The following SPOCD1 variants were observed in gnomAD, a reference collection of about 807,000 sequenced individuals.
SPOCD1 encodes SPOC domain-containing protein 1.
In SPOCD1, 64 loss-of-function variants were observed where a neutral mutation model predicts 92.2. The ratio of observed to expected loss-of-function variants is 0.69; its 90% CI spans 0.57 to 0.86. The LOEUF (loss-of-function observed/expected upper bound fraction) is 0.86. Among genes scored for constraint, SPOCD1 ranks in the 40% least tolerant of loss-of-function variants. The pLI is 0.00. For missense variants in SPOCD1, 1,360 were observed against 1,543.1 expected (o/e 0.88, Z 1.99); for synonymous variants, 578 against 619.3 (o/e 0.93, Z 0.99).
intron 2 of SPOCD1, 146 bp downstream of exon 2, chr1:31,813,805 C>A: frequency 1.5e-6 from 1 of 662,904 alleles, no homozygotes; most frequent in South Asian, 4.7e-5. Context: ...GTTTGTGGGC[C>A]TCATTTTACC....
At position 31,793,259 on chromosome 1, in the gene SPOCD1, G is replaced by A. The variant is rs1647738361; in HGVS notation, c.2685+19C>T. 1 of 1,578,420 alleles carries A rather than the reference G, an allele frequency of 6.3e-7. No homozygotes were observed. Among genetic ancestry groups the A allele is most frequent in the Non-Finnish European group, 8.6e-7 (1 of 1,162,006 alleles). ...TGGTCAGTGTGTAAGGGAATCCCTG[G>A]CGAGGAGGGCAGGTGCACCTGGACA... On this transcript the variant is annotated intron_variant, in intron 13 of 15. Transcript: ENST00000360482.
In SPOCD1 at chr1:31,815,238, G is replaced by A. The variant is rs1649487236; in HGVS notation, c.96C>T (p.Ala32=). ...NCELLQNMEG[A]SSMPGLSPDG... The stretch of plus-strand genomic sequence containing the variant: ...CTGGTGACAGGCCTGGCATGGAGCT[G>A]GCTCCTTCCATGTTCTGTAAAAGCT... The change falls in exon 2 of 16, where the codon GCC becomes GCT. Residue 32 remains alanine, a synonymous_variant. Transcript: ENST00000360482. 1.2e-6 allele frequency: 2 copies of A among 1,606,110 alleles called. No homozygotes were observed. Among genetic ancestry groups the A allele is most frequent in the Non-Finnish European group, 1.7e-6 (2 of 1,173,960 alleles).
Position 31,790,591 on chromosome 1 carries a change from G to A in SPOCD1, c.*12C>T. ...AGGGCATCAAAACCCCTGTTCTGGT[G>A]GGTAAGGAGGGTCAGGCCTTTCTAG... On this transcript the variant is annotated 3_prime_UTR_variant, in exon 16 of 16. Transcript: ENST00000360482. 6.5e-7 allele frequency: 1 copy of A among 1,550,306 alleles called. No individual in the cohort carries two copies.
rs754430688 is a variant in SPOCD1 at position 31,814,506 on chromosome 1, T to C, written c.828A>G (p.Ala276=). 2 of 1,545,616 alleles carry C rather than the reference T, an allele frequency of 1.3e-6. No individual in the cohort carries two copies. Among genetic ancestry groups the C allele is most frequent in the Non-Finnish European group, 8.7e-7 (1 of 1,143,266 alleles). ...SGPGEPGGSG[A]GCASGTEKFG... Reference sequence around the variant, plus strand: ...ATTTCTCAGTCCCTGAGGCACATCCTGCCCCACTTCCACCTGGCTCTCCAG... The same window carrying C: ...ATTTCTCAGTCCCTGAGGCACATCCCGCCCCACTTCCACCTGGCTCTCCAG... Residue 276 remains alanine, a synonymous_variant, in exon 2 of 16, where the codon GCA becomes GCG. Coordinates refer to ENST00000360482, the MANE Select transcript of SPOCD1 (RefSeq NM_144569.7). This position sits in a 1 kb window ranked among gnomAD's most constrained non-coding sequence, Gnocchi z 4.2.
rs767793146 is a variant in SPOCD1 at position 31,814,608 on chromosome 1, G to T, written c.726C>A (p.Asp242Glu). The T allele has an allele frequency of 5.9e-6, 9 of 1,530,130 alleles. No individual in the cohort carries two copies. The highest frequency in any genetic ancestry group is 2.1e-5 in the Admixed American group (1 of 47,570). The allele number at this position is 1,530,130 out of a possible 1,614,324, so 94.8% of individuals were successfully genotyped here. ...PRGDNLLSVG[D>E]PPQVADLESL... is the part of the protein sequence containing the mutation. Reference sequence around the variant, plus strand: ...ACTCCAGGTCAGCAACTTGGGGAGGGTCTCCCACAGACAGGAGGTTGTCCC... The same window carrying T: ...ACTCCAGGTCAGCAACTTGGGGAGGTTCTCCCACAGACAGGAGGTTGTCCC... The change falls in exon 2 of 16, where the codon GAC (aspartate) becomes GAA (glutamate). Residue 242 changes from aspartate to glutamate, a missense_variant. Transcript: ENST00000360482. The surrounding 1 kb of genome is among the most constrained non-coding windows in gnomAD (Gnocchi z 4.2).
chr1:31,800,461 G>A lies in SPOCD1; in HGVS notation c.1582C>T (p.Gln528Ter). Residue 528 changes from glutamine to a stop codon, truncating the protein, a stop_gained, in exon 4 of 16, where the codon CAG becomes TAG. Transcript: ENST00000360482. LOFTEE classifies it high-confidence loss of function. ...RLRRKKRPMVQGPAGCQVFQP... is the reference protein window; with the variant it reads ...RLRRKKRPMV ...TGTACCTGGCACCCAGCAGGGCCCT[G>A]CACCATGGGCCTTTTCTTCCTTCTG... is the stretch of plus-strand genomic sequence containing the variant. The A allele has an allele frequency of 6.2e-7, 1 of 1,604,176 alleles. No individual in the cohort carries two copies. The highest frequency in any genetic ancestry group is 8.5e-7 in the Non-Finnish European group (1 of 1,175,158).
chr1:31,799,267 C>T, intron 7 of SPOCD1, 134 bp downstream of exon 7: 1 of 758,140 alleles, frequency 1.3e-6, no homozygotes, highest in South Asian at 1.7e-5. Context: ...TTGGTATGGG[C>T]AAGGGACCTG....
In SPOCD1 at chr1:31,804,985, C is replaced by CTT. The variant is rs1207433481; in HGVS notation, c.1384-3282_1384-3281dup. Reference sequence around the variant, plus strand: ...AAATTTCTTTTTTCTTTCTTTCTTTCTTTTTTTTTTTTTTGAGATGGAGTC... The same window carrying CTT: ...AAATTTCTTTTTTCTTTCTTTCTTTCTTTTTTTTTTTTTTTTGAGATGGAGTC... On this transcript the variant is annotated intron_variant, in intron 2 of 15. Transcript: ENST00000360482. Among the ~76,000 whole-genome samples the CTT allele has an allele frequency of 4.1e-4, 43 of 105,912 alleles. 2 individuals carry two copies. Among genetic ancestry groups the CTT allele is most frequent in the Admixed American group, 3.5e-3 (31 of 8,930 alleles). 69.5% of individuals were successfully genotyped at this position (105,912 alleles called of 152,430 possible). A position where few individuals can be genotyped will look rare whatever the true frequency, so the allele number is the denominator to read the frequency against.
At chr1:31,802,850 A>G (rs1648556081) in intron 2 of SPOCD1, among the ~76,000 whole-genome samples, 1 of 152,256 alleles carries the variant, frequency 6.6e-6, no homozygotes, top group Admixed American at 6.5e-5. Context: ...TACACATAAA[A>G]TATCACAGGA....
Position 31,815,041 on chromosome 1 carries a change from G to T in SPOCD1, c.293C>A (p.Pro98His), listed in dbSNP as rs2123997043. Residue 98 changes from proline (P) to histidine (H), a missense_variant, in exon 2 of 16, where the codon CCT (proline) becomes CAT (histidine). This residue lies in a region of SPOCD1 where 140 missense variants were observed against 183.8 expected (regional missense o/e 0.76). Transcript: ENST00000360482. ...CGAGGGCAGCTGCATGTGGAGCCCA[G>T]GAGCCAGCATCGAGCCCCGGCTCTG... ...VVQSRGSMLA[P>H]GLHMQLPSVP... 6.2e-7 allele frequency: 1 copy of T among 1,613,832 alleles called. No individual in the cohort carries two copies. Among genetic ancestry groups the T allele is most frequent in the Non-Finnish European group, 8.5e-7 (1 of 1,179,998 alleles).
At chr1:31,809,708 A>G (rs540173837) in intron 2 of SPOCD1, among the ~76,000 whole-genome samples, 257 of 152,332 alleles carry the variant, frequency 1.7e-3, no homozygotes, top group Non-Finnish European at 3.4e-3. Flanking sequence ...TAATACCAGT[A>G]TCTACCTCAT....
intron 2 of SPOCD1, among the ~76,000 whole-genome samples, chr1:31,813,558 A>G (rs534287283): frequency 1.3e-3 from 191 of 151,204 alleles, no homozygotes; most frequent in African/African-American, 4.6e-3. Flanking sequence ...CCACTGCACC[A>G]GGCCTAGGCA....
In SPOCD1 at chr1:31,791,267, G is replaced by T; in HGVS notation, c.2987C>A (p.Pro996His). The T allele has an allele frequency of 6.5e-7, 1 of 1,547,336 alleles. No individual in the cohort carries two copies. The highest frequency in any genetic ancestry group is 1.2e-5 in the South Asian group (1 of 80,988). ...GPGLWALPVS[P>H]LLSPGLEVTH... ...GACCTCCAGACCTGGGGAAAGGAGA[G>T]GGGAGACAGGAAGAGCCCAAAGGCC... The change falls in exon 16 of 16, where the codon CCT becomes CAT. Residue 996 changes from proline to histidine, a missense_variant. Physicochemically the swap from Pro to His is moderately conservative, Grantham distance 77. This residue lies in a region of SPOCD1 where 614 missense variants were observed against 757.8 expected (regional missense o/e 0.81). Coordinates refer to ENST00000360482, the MANE Select transcript of SPOCD1 (RefSeq NM_144569.7).
In SPOCD1 at chr1:31,815,330, A is replaced by C; in HGVS notation, c.4T>G (p.Ser2Ala). The C allele has an allele frequency of 6.5e-7, 1 of 1,537,794 alleles. No individual in the cohort carries two copies. The highest frequency in any genetic ancestry group is 8.8e-7 in the Non-Finnish European group (1 of 1,139,388). Residue 2 changes from serine (S) to alanine (A), a missense_variant, in exon 2 of 16, where the codon TCC becomes GCC. Physicochemically the swap from Ser to Ala is moderately conservative, Grantham distance 99. This residue lies in a region of SPOCD1 where 140 missense variants were observed against 183.8 expected (regional missense o/e 0.76). Coordinates refer to ENST00000360482, the MANE Select transcript of SPOCD1 (RefSeq NM_144569.7). M[S>A]QAGDVEGPST... ...GGGCCTTCTACGTCCCCCGCCTGGG[A>C]CATGTCTGTCCACCTACCTGGGCCA...
intron 2 of SPOCD1, among the ~76,000 whole-genome samples, chr1:31,802,548 G>A (rs1325556907): frequency 6.6e-6 from 1 of 152,008 alleles, no homozygotes; most frequent in Non-Finnish European, 1.5e-5. Flanking sequence ...AAGTATTATT[G>A]GGAGAAAAAG....
chr1:31,800,664 C>G, intron 3 of SPOCD1, 47 bp from the exon 4 acceptor site: 1 of 1,512,834 alleles, frequency 6.6e-7, no homozygotes, highest in East Asian at 2.4e-5. Context: ...CAGCCGCTGT[C>G]CCCGCCTTCA....
In SPOCD1 at chr1:31,798,302, G is replaced by A. The variant is rs1405183561; in HGVS notation, c.2050C>T (p.His684Tyr). 1 of 1,613,726 alleles carries A rather than the reference G, an allele frequency of 6.2e-7. No homozygotes were observed. Among genetic ancestry groups the A allele is most frequent in the Non-Finnish European group, 8.5e-7 (1 of 1,179,944 alleles). ...AGGTCGTAGGGGGTGACATCTCCAT[G>A]AACCACTTTGAGAAACAAGTCCTGG... ...RNLDLFLKVV[H>Y]GDVTPYDLVR... The change falls in exon 9 of 16, where the codon CAT (histidine) becomes TAT (tyrosine). Residue 684 changes from histidine (H) to tyrosine (Y), a missense_variant. Physicochemically the swap from His to Tyr is moderately conservative, Grantham distance 83. Transcript: ENST00000360482. The surrounding 1 kb of genome is among the most constrained non-coding windows in gnomAD (Gnocchi z 4.1).
rs781143697 is a variant in SPOCD1 at position 31,800,581 on chromosome 1, TG to T, written c.1461del (p.Ile488SerfsTer17). On this transcript the variant is annotated frameshift_variant, in exon 4 of 16. Transcript: ENST00000360482. LOFTEE classifies it high-confidence loss of function. ...TGCCCCCCTGCCTGGCCGTGGCTGA[TG>T]GCCCCCAGGAGCTGGATCACTGGCC... ...GSGPVIQLLGAISHGQAGGQL... is the reference protein window; with the variant it reads ...GSGPVIQLLGXISHGQAGGQL... 1.1e-4 allele frequency: 181 copies of T among 1,610,548 alleles called. No individual in the cohort carries two copies. Among genetic ancestry groups the T allele is most frequent in the Non-Finnish European group, 1.5e-4 (175 of 1,178,648 alleles).
At chr1:31,810,329 AGTAAAATGG>A (rs1441002041) in intron 2 of SPOCD1, among the ~76,000 whole-genome samples, 1 of 151,088 alleles carries the variant, frequency 6.6e-6, no homozygotes, top group East Asian at 1.9e-4. Flanking sequence ...TTTCTTACTT[AGTAAAATGG>A]GGATATTAGT....
Sources: gnomAD v4.1 joint callset for allele counts (sites outside exome capture counted in the v4.1 genomes callset) on GRCh38, gnomAD v4.1.1 for gene constraint, gnomAD v4.1.1 regional missense constraint, Gnocchi (gnomAD v3.1) non-coding constraint, MANE v1.5 for transcripts, NCBI Gene and HGNC (gene_info 2026-07-23, HGNC 2026-07-21) for gene names.